SLC24A2: variants seen among roughly 807,000 people sequenced by gnomAD.
SLC24A2 encodes solute carrier family 24 member 2, also known as sodium/potassium/calcium exchanger 2.
In SLC24A2, 36 loss-of-function variants were observed where a neutral mutation model predicts 62.0. The ratio of observed to expected loss-of-function variants is 0.58; its 90% CI spans 0.44 to 0.77. The LOEUF is 0.77. Among genes scored for constraint, SLC24A2 ranks in the 30% least tolerant of loss-of-function variants. SLC24A2 has a pLI of 0.00. For synonymous variants in SLC24A2, 358 were observed against 294.0 expected (o/e 1.22, Z -2.23); for missense variants, 846 against 817.9 (o/e 1.03, Z -0.42).
the SLC24A2 span, among the ~76,000 whole-genome samples, chr9:19,892,092 G>T: frequency 6.6e-6 from 1 of 151,690 alleles, no homozygotes; most frequent in African/African-American, 2.4e-5. Context: ...CCTTCTTTTT[G>T]TCCCTCCCTT....
chr9:19,929,426 T>C, the SLC24A2 span: 3 of 152,174 alleles, frequency 2.0e-5, no homozygotes, highest in African/African-American at 7.2e-5. Flanking sequence ...TAACAACTTT[T>C]CAGTCAACAA....
At chr9:20,074,607 A>AAGGAAGGAAGGG in the SLC24A2 span, among the ~76,000 whole-genome samples, 70 of 69,170 alleles carry the variant, frequency 1.0e-3, 1 homozygote, top group African/African-American at 2.0e-3. Flanking sequence ...GGAAGGAAAG[A>AAGGAAGGAAGGG]AGGGAGTGAG....
At chr9:19,852,247 T>C in the SLC24A2 span, among the ~76,000 whole-genome samples, 1 of 152,202 alleles carries the variant, frequency 6.6e-6, no homozygotes, top group East Asian at 1.9e-4. Flanking sequence ...GATGAATAGA[T>C]TACAAAAATT....
At chr9:19,538,213 T>G (rs1439185002) in intron 8 of SLC24A2, among the ~76,000 whole-genome samples, 1 of 110,272 alleles carries the variant, frequency 9.1e-6, no homozygotes, top group East Asian at 2.9e-4. Flanking sequence ...CCTGCCTGAT[T>G]GCCCTGGCCA....
At chr9:19,702,342 T>C (rs112874662) in intron 2 of SLC24A2, among the ~76,000 whole-genome samples, 150 of 152,320 alleles carry the variant, frequency 9.8e-4, no homozygotes, top group African/African-American at 3.5e-3. Context: ...CTTCTCCCAG[T>C]TGGAACTGAT....
chr9:20,231,719 C>A, the SLC24A2 span, among the ~76,000 whole-genome samples: 35 of 152,196 alleles, frequency 2.3e-4, no homozygotes, highest in African/African-American at 8.4e-4. Context: ...AATTGAATAC[C>A]CTTTATTTCT....
the SLC24A2 span, among the ~76,000 whole-genome samples, chr9:19,954,545 T>G: frequency 6.6e-6 from 1 of 151,894 alleles, no homozygotes; most frequent in Non-Finnish European, 1.5e-5. Flanking sequence ...GCAAATATAG[T>G]GGGACTATGC....
the SLC24A2 span, among the ~76,000 whole-genome samples, chr9:20,140,270 G>C: frequency 6.6e-6 from 1 of 152,156 alleles, no homozygotes; most frequent in Non-Finnish European, 1.5e-5. Context: ...GAGGGAGGCA[G>C]ATCTGTACAC....
intron 2 of SLC24A2, among the ~76,000 whole-genome samples, chr9:19,730,825 G>C (rs1169817010): frequency 6.6e-6 from 1 of 151,298 alleles, no homozygotes; most frequent in East Asian, 1.9e-4. Flanking sequence ...ACATTTAATA[G>C]TGTTTAAATC....
At chr9:19,549,220 A>G (rs1193977461) in intron 8 of SLC24A2, among the ~76,000 whole-genome samples, 1 of 152,242 alleles carries the variant, frequency 6.6e-6, no homozygotes, top group African/African-American at 2.4e-5. Flanking sequence ...AAATGTGAGT[A>G]ACCTTCCTGC....
At chr9:19,964,667 G>A in the SLC24A2 span, among the ~76,000 whole-genome samples, 1 of 152,262 alleles carries the variant, frequency 6.6e-6, no homozygotes, top group Middle Eastern at 3.4e-3. Context: ...TCTAGGCTGG[G>A]TGGGGCACAA....
the SLC24A2 span, among the ~76,000 whole-genome samples, chr9:19,875,261 GT>G: frequency 2.0e-5 from 3 of 152,246 alleles, no homozygotes; most frequent in African/African-American, 4.8e-5. Context: ...AAAAATACCA[GT>G]GTACTTCTGC....
At chr9:19,533,257 C>T (rs1833790652) in intron 8 of SLC24A2, among the ~76,000 whole-genome samples, 1 of 152,172 alleles carries the variant, frequency 6.6e-6, no homozygotes, top group South Asian at 2.1e-4. Context: ...GCAGAGCTGC[C>T]AGGCCCTAAG....
intron 2 of SLC24A2, among the ~76,000 whole-genome samples, chr9:19,763,495 A>G (rs1230265305): frequency 1.3e-5 from 2 of 152,158 alleles, no homozygotes. Flanking sequence ...TGTTCCATCA[A>G]TACCTTGTTT....
the SLC24A2 span, among the ~76,000 whole-genome samples, chr9:19,878,585 T>C: frequency 2.0e-5 from 3 of 152,120 alleles, no homozygotes; most frequent in African/African-American, 7.2e-5. Context: ...GATTGGATCA[T>C]GGGGGTGGAT....
the SLC24A2 span, among the ~76,000 whole-genome samples, chr9:19,876,365 C>CGTGTGTGTGT: frequency 2.4e-3 from 346 of 145,628 alleles, no homozygotes; most frequent in Non-Finnish European, 2.5e-3. Context: ...TTATTGAAGG[C>CGTGTGTGTGT]GTGTGTGTGT....
chr9:20,006,063 T>C, the SLC24A2 span, among the ~76,000 whole-genome samples: 1 of 151,784 alleles, frequency 6.6e-6, no homozygotes. Context: ...ACCCAATTTA[T>C]CTGGCTTAAT....
the SLC24A2 span, among the ~76,000 whole-genome samples, chr9:20,134,487 T>C: frequency 1.2e-4 from 19 of 152,218 alleles, no homozygotes; most frequent in Admixed American, 3.9e-4. Flanking sequence ...GTTGAGGCCA[T>C]TGGGAGTCCA....
intron 2 of SLC24A2, among the ~76,000 whole-genome samples, chr9:19,752,102 T>C (rs1006528827): frequency 1.3e-5 from 2 of 152,188 alleles, no homozygotes; most frequent in African/African-American, 2.4e-5. Context: ...TGATGAGTGC[T>C]TGCGACACGT....
Sources: allele counts gnomAD v4.1 joint callset (sites outside exome capture counted in the v4.1 genomes callset), GRCh38; gene constraint gnomAD v4.1.1; transcripts MANE v1.5; gene names NCBI Gene and HGNC (gene_info 2026-07-23, HGNC 2026-07-21).